The following ODC1 variants were observed in gnomAD, a reference collection of about 807,000 sequenced individuals.
ODC1 encodes the protein ornithine decarboxylase.
A neutral mutation model predicts 41.5 loss-of-function variants in ODC1; 18 were observed. The ratio of observed to expected loss-of-function variants is 0.43; its 90% CI spans 0.30 to 0.64. ODC1 has a LOEUF of 0.64. Among genes scored for constraint, ODC1 ranks in the 30% least tolerant of loss-of-function variants. The pLI, the probability that ODC1 is intolerant of heterozygous loss-of-function variation, is 0.11. For synonymous variants in ODC1, 218 were observed against 211.6 expected (o/e 1.03, Z -0.26); for missense variants, 504 against 589.0 (o/e 0.86, Z 1.49).
chr2:10,444,689 C>A, intron 3 of ODC1, 42 bp from the exon 4 acceptor site: 2 of 1,546,598 alleles, frequency 1.3e-6, no homozygotes, highest in East Asian at 2.2e-5. Context: ...AGCAGCCTCA[C>A]CACACACCAC....
At chr2:10,444,049 ATATCT>A in intron 5 of ODC1, 41 bp downstream of exon 5, 1 of 1,524,714 alleles carries the variant, frequency 6.6e-7, no homozygotes, top group South Asian at 1.3e-5. Flanking sequence ...AAGAATCCAC[ATATCT>A]TATGCTCCCG....
Position 10,445,219 on chromosome 2 carries a change from G to A in ODC1, c.-82C>T, listed in dbSNP as rs1671972399. ...GCTTCTCACAAAGGCAACTCTCCAGGAATTCCAAATCCCTCTGCGTGTGCC... is the reference window on the plus strand; with the variant it reads ...GCTTCTCACAAAGGCAACTCTCCAGAAATTCCAAATCCCTCTGCGTGTGCC... On this transcript the variant is annotated 5_prime_UTR_variant, in exon 2 of 12. Coordinates refer to ENST00000234111, the MANE Select transcript of ODC1 (RefSeq NM_002539.3). 3.8e-6 allele frequency: 2 copies of A among 530,330 alleles called. No homozygotes were observed. Among genetic ancestry groups the A allele is most frequent in the African/African-American group, 3.8e-5 (2 of 51,998 alleles). The allele number at this position is 530,330 out of a possible 1,614,324, so 32.9% of individuals were successfully genotyped here.
chr2:10,447,068 T>C (rs1045341269), intron 1 of ODC1, among the ~76,000 whole-genome samples: 14 of 152,238 alleles, frequency 9.2e-5, no homozygotes, highest in Non-Finnish European at 1.9e-4. Context: ...TGAGGCCTTA[T>C]TAAATATTTT....
Position 10,440,934 on chromosome 2 carries a change from C to T in ODC1, c.1242-66G>A, listed in dbSNP as rs1004954041. On this transcript the variant is annotated intron_variant, in intron 11 of 11. Coordinates refer to ENST00000234111, the MANE Select transcript of ODC1 (RefSeq NM_002539.3). The stretch of plus-strand genomic sequence containing the variant: ...TCCTAACTGGGCATGAGAGTATTTA[C>T]TTCCCATCAGGAAACAATTCAATGT... 6 of 1,548,490 alleles carry T rather than the reference C, an allele frequency of 3.9e-6. No homozygotes were observed. In the African/African-American group the frequency reaches 8.3e-5, roughly 21 times the overall value.
intron 6 of ODC1, 34 bp downstream of exon 6, chr2:10,443,668 G>A: frequency 6.2e-7 from 1 of 1,612,528 alleles, no homozygotes; most frequent in Non-Finnish European, 8.5e-7. Context: ...ACTGTTCAAT[G>A]TCTTGACCTC....
intron 1 of ODC1, among the ~76,000 whole-genome samples, chr2:10,446,421 TGA>T (rs1378861652): frequency 6.6e-6 from 1 of 152,208 alleles, no homozygotes; most frequent in Non-Finnish European, 1.5e-5. Flanking sequence ...ATTACAGGCG[TGA>T]GCCACCACGC....
rs778262198 is a variant in ODC1 at position 10,441,916 on chromosome 2, C to T, written c.927G>A (p.Ser309=). The change falls in exon 10 of 12, where the codon TCG becomes TCA. Residue 309 remains serine (S), a synonymous_variant. Coordinates refer to ENST00000234111, the MANE Select transcript of ODC1 (RefSeq NM_002539.3). ...EQTGSDDEDE[S]SEQTFMYYVN... ...CATAATACATAAAGGTCTGCTCACT[C>T]GACTCATCTTCGTCTAGAAAGGCAG... is the stretch of plus-strand genomic sequence containing the variant. 39 of 1,614,066 alleles carry T rather than the reference C, an allele frequency of 2.4e-5. No homozygotes were observed. The highest frequency in any genetic ancestry group is 1.6e-4 in the Middle Eastern group (1 of 6,062).
chr2:10,446,298 G>A (rs1672011305), intron 1 of ODC1, among the ~76,000 whole-genome samples: 1 of 152,100 alleles, frequency 6.6e-6, no homozygotes, highest in Non-Finnish European at 1.5e-5. Context: ...CACACCCGGG[G>A]CCTGGCTAAT....
At position 10,441,512 on chromosome 2, in the gene ODC1, G is replaced by A. The variant is rs368504231; in HGVS notation, c.1238C>T (p.Ala413Val). Reference protein sequence around the residue: ...PTIYYVMSGPAWQLMQQFQNP... With the variant: ...PTIYYVMSGPVWQLMQQFQNP... Reference sequence around the variant, plus strand: ...TCAACATGCATGGCTTACTTACCACGCAGGCCCTGACATCACATAGTAGAT... The same window carrying A: ...TCAACATGCATGGCTTACTTACCACACAGGCCCTGACATCACATAGTAGAT... Residue 413 changes from alanine to valine, a missense_variant, in exon 11 of 12, where the codon GCG (alanine) becomes GTG (valine). Physicochemically the swap from Ala to Val is moderately conservative, Grantham distance 64. Transcript: ENST00000234111. The A allele has an allele frequency of 2.3e-5, 37 of 1,613,362 alleles. No individual in the cohort carries two copies. The highest frequency in any genetic ancestry group is 1.7e-4 in the Middle Eastern group (1 of 6,060).
intron 5 of ODC1, 91 bp downstream of exon 5, chr2:10,444,004 G>C: frequency 6.8e-7 from 1 of 1,477,006 alleles, no homozygotes; most frequent in Non-Finnish European, 9.1e-7. Flanking sequence ...CTAAAGTATA[G>C]AAATATAATA....
Position 10,444,989 on chromosome 2 carries a change from T to C in ODC1, c.44A>G (p.Asp15Gly). The C allele has an allele frequency of 1.9e-6, 3 of 1,614,024 alleles. No individual in the cohort carries two copies. The highest frequency in any genetic ancestry group is 2.5e-6 in the Non-Finnish European group (3 of 1,179,898). Reference sequence around the variant, plus strand: ...AATGTCCTTGGCAGTAAAACCTTCATCGAGGAAGTGGCAGTCAAACTCTTC... The same window carrying C: ...AATGTCCTTGGCAGTAAAACCTTCACCGAGGAAGTGGCAGTCAAACTCTTC... ...GNEEFDCHFLDEGFTAKDILD... is the reference protein window; with the variant it reads ...GNEEFDCHFLGEGFTAKDILD... The change falls in exon 3 of 12, where the codon GAT becomes GGT. Residue 15 changes from aspartate to glycine, a missense_variant. Coordinates refer to ENST00000234111, the MANE Select transcript of ODC1 (RefSeq NM_002539.3).
At chr2:10,443,922 T>C (rs2148069653) in intron 5 of ODC1, 86 bp from the exon 6 acceptor site, 5 of 1,564,400 alleles carry the variant, frequency 3.2e-6, no homozygotes, top group Non-Finnish European at 4.4e-6. Flanking sequence ...CTGTTCTAAA[T>C]ACTGTCGCTG....
chr2:10,444,635 C>T lies in ODC1; in HGVS notation c.115G>A (p.Ala39Thr). 6.2e-7 allele frequency: 1 copy of T among 1,611,908 alleles called. No individual in the cohort carries two copies. Among genetic ancestry groups the T allele is most frequent in the Non-Finnish European group, 8.5e-7 (1 of 1,178,854 alleles). ...TCTCCCAGGTCTGCCACATAGAAGGCATCCTTATCATCCTGAAACAAGAGT... is the reference window on the plus strand; with the variant it reads ...TCTCCCAGGTCTGCCACATAGAAGGTATCCTTATCATCCTGAAACAAGAGT... ...NEVSSSDDKD[A>T]FYVADLGDIL... Residue 39 changes from alanine to threonine, a missense_variant, in exon 4 of 12, where the codon GCC (alanine) becomes ACC (threonine). Around this residue, in one of 3 missense-constraint regions of ODC1, gnomAD observed 53 missense variants for 46.3 expected, o/e 1.14. Transcript: ENST00000234111.
At position 10,441,589 on chromosome 2, in the gene ODC1, G is replaced by A. The variant is rs753071023; in HGVS notation, c.1161C>T (p.Gly387=). Residue 387 remains glycine, a synonymous_variant, in exon 11 of 12, where the codon GGC becomes GGT. Transcript: ENST00000234111. Reference sequence around the variant, plus strand: ...TAGAGGCAGCAGCAACAGTGTAAGCGCCCATGTTTTCAAAGAGCATCCAAT... The same window carrying A: ...TAGAGGCAGCAGCAACAGTGTAAGCACCCATGTTTTCAAAGAGCATCCAAT... ...VGDWMLFENM[G]AYTVAAASTF... The A allele has an allele frequency of 3.5e-5, 57 of 1,614,150 alleles. No homozygotes were observed. The highest frequency in any genetic ancestry group is 4.5e-5 in the Non-Finnish European group (53 of 1,180,044).
rs1671971218 is a variant in ODC1, at chr2:10,445,178, G to C, written c.-41C>G. Reference sequence around the variant, plus strand: ...ACATGGAAAACTAAGAGATGGAATTGAAAGAAATATTTCCAGCTTCTCACA... The same window carrying C: ...ACATGGAAAACTAAGAGATGGAATTCAAAGAAATATTTCCAGCTTCTCACA... On this transcript the variant is annotated 5_prime_UTR_variant, in exon 2 of 12. Transcript: ENST00000234111. 6.8e-6 allele frequency: 4 copies of C among 585,494 alleles called. No homozygotes were observed. In the South Asian group the frequency reaches 8.1e-5, roughly 12 times the overall value. The allele number at this position is 585,494 out of a possible 1,614,324, so 36.3% of individuals were successfully genotyped here.
In ODC1 at chr2:10,445,044, G is replaced by A. The variant is rs1242828718; in HGVS notation, c.-12C>T. The A allele has an allele frequency of 6.4e-7, 1 of 1,567,094 alleles. No individual in the cohort carries two copies. Among genetic ancestry groups the A allele is most frequent in the Admixed American group, 1.7e-5 (1 of 59,910 alleles). On this transcript the variant is annotated 5_prime_UTR_variant, in exon 3 of 12. Coordinates refer to ENST00000234111, the MANE Select transcript of ODC1 (RefSeq NM_002539.3). Reference sequence around the variant, plus strand: ...CCAAAGTTGTTCATGATTTCTTGATGTTCCTCTGAAATGCAACAAAATGCA... The same window carrying A: ...CCAAAGTTGTTCATGATTTCTTGATATTCCTCTGAAATGCAACAAAATGCA...
chr2:10,444,355 C>G, intron 4 of ODC1, 88 bp from the exon 5 acceptor site: 1 of 1,510,140 alleles, frequency 6.6e-7, no homozygotes. Context: ...CATGTACCCC[C>G]CCGCCCCATT....
chr2:10,443,889 C>T, intron 5 of ODC1, 53 bp from the exon 6 acceptor site: 2 of 1,600,024 alleles, frequency 1.2e-6, no homozygotes, highest in East Asian at 2.2e-5. Flanking sequence ...TCACTTATAG[C>T]CACAATTAAA....
At chr2:10,444,334 TG>T in intron 4 of ODC1, 67 bp from the exon 5 acceptor site, 1 of 1,522,344 alleles carries the variant, frequency 6.6e-7, no homozygotes, top group South Asian at 1.3e-5. Context: ...CAGAAAAGCA[TG>T]GGAAGTTGTC....
Sources: allele counts gnomAD v4.1 joint callset (sites outside exome capture counted in the v4.1 genomes callset), GRCh38; gene constraint gnomAD v4.1.1; regional missense constraint gnomAD v4.1.1; transcripts MANE v1.5; gene names NCBI Gene and HGNC (gene_info 2026-07-23, HGNC 2026-07-21).